GABRA5: variants seen among roughly 807,000 people sequenced by gnomAD.
The protein encoded by GABRA5 is gamma-aminobutyric acid receptor subunit alpha-5.
In GABRA5, 18 loss-of-function variants were observed where a neutral mutation model predicts 47.3. The observed-to-expected ratio is 0.38, with a 90% CI of 0.26 to 0.56. The LOEUF (loss-of-function observed/expected upper bound fraction) is 0.56, where lower values mean the gene tolerates loss of function less well. GABRA5 is among the 20% of genes least tolerant of loss of function. The pLI is 0.71. For synonymous variants in GABRA5, 237 were observed against 229.3 expected (o/e 1.03, Z -0.30); for missense variants, 365 against 599.3 (o/e 0.61, Z 4.08).
chr15:26,876,492 G>A (rs1892600529), intron 3 of GABRA5, among the ~76,000 whole-genome samples: 1 of 152,188 alleles, frequency 6.6e-6, no homozygotes, highest in Non-Finnish European at 1.5e-5. Flanking sequence ...CTGAGGCCCA[G>A]TGGAAAGGAT....
intron 6 of GABRA5, among the ~76,000 whole-genome samples, chr15:26,910,326 G>T (rs113878538): frequency 0.03 from 4,548 of 152,234 alleles, 82 homozygotes; most frequent in Non-Finnish European, 0.045. Flanking sequence ...GCCCGACCGG[G>T]TGTGGTGGCT....
chr15:26,890,723 A>G (rs956809862), intron 6 of GABRA5, among the ~76,000 whole-genome samples: 1 of 152,214 alleles, frequency 6.6e-6, no homozygotes, highest in Non-Finnish European at 1.5e-5. Flanking sequence ...ATATGTCTCA[A>G]TCATGTATAA....
At chr15:26,912,634 A>T (rs1893623812) in intron 6 of GABRA5, among the ~76,000 whole-genome samples, 1 of 152,214 alleles carries the variant, frequency 6.6e-6, no homozygotes, top group South Asian at 2.1e-4. Context: ...AGAAACACAC[A>T]CGTACACATG....
chr15:26,870,572 G>A (rs1306443547), intron 3 of GABRA5, among the ~76,000 whole-genome samples: 1 of 152,202 alleles, frequency 6.6e-6, no homozygotes, highest in African/African-American at 2.4e-5. Context: ...GCCATTCTAA[G>A]TATTCCCTTG....
At chr15:26,884,175 T>A (rs931998607) in intron 6 of GABRA5, among the ~76,000 whole-genome samples, 2 of 151,672 alleles carry the variant, frequency 1.3e-5, no homozygotes, top group Non-Finnish European at 2.9e-5. Flanking sequence ...GGTGACAGAG[T>A]GAGATTCTGT....
At chr15:26,881,175 G>A in intron 4 of GABRA5, among the ~76,000 whole-genome samples, 1 of 152,170 alleles carries the variant, frequency 6.6e-6, no homozygotes, top group East Asian at 1.9e-4. Flanking sequence ...CTAGACGCAA[G>A]ATCCTTTGTT....
At chr15:26,936,723 C>T (rs775316342) in intron 7 of GABRA5, among the ~76,000 whole-genome samples, 3 of 152,232 alleles carry the variant, frequency 2.0e-5, no homozygotes, top group Admixed American at 6.5e-5. Flanking sequence ...TGCGGCCGGG[C>T]GCTGCTTCAG....
intron 7 of GABRA5, among the ~76,000 whole-genome samples, chr15:26,932,752 GTACATATA>G (rs1894139515): frequency 6.6e-6 from 1 of 152,176 alleles, no homozygotes; most frequent in South Asian, 2.1e-4. Context: ...GGAAAACGTG[GTACATATA>G]TACCGTGGAA....
chr15:26,932,615 G>A (rs2140569909), intron 7 of GABRA5, among the ~76,000 whole-genome samples: 1 of 152,226 alleles, frequency 6.6e-6, no homozygotes, highest in Non-Finnish European at 1.5e-5. Flanking sequence ...CCATAACTGG[G>A]TATATACAAA....
intron 6 of GABRA5, among the ~76,000 whole-genome samples, chr15:26,909,562 C>T (rs191803081): frequency 8.5e-5 from 13 of 152,154 alleles, no homozygotes; most frequent in South Asian, 2.1e-4. Flanking sequence ...TTCTTTTGGA[C>T]GCTCTAGGGG....
chr15:26,873,685 A>C (rs1347678114), intron 3 of GABRA5, among the ~76,000 whole-genome samples: 1 of 152,314 alleles, frequency 6.6e-6, no homozygotes, highest in East Asian at 1.9e-4. Context: ...TTTTAAATGG[A>C]AAGTTCTCCC....
chr15:26,885,297 T>C (rs988581324), intron 6 of GABRA5, among the ~76,000 whole-genome samples: 1 of 99,304 alleles, frequency 1.0e-5, no homozygotes, highest in Non-Finnish European at 2.1e-5. Flanking sequence ...AGACTCCGTT[T>C]CAAAAAAAAA....
rs1365503910 is a variant in GABRA5, at chr15:26,935,439, A to C, written c.581-1746A>C. Reference sequence around the variant, plus strand: ...AACCTCTGCCCCCTAACCATGGAGAAAGCGGCTCACAGGACTTGCACCCAG... The same window carrying C: ...AACCTCTGCCCCCTAACCATGGAGACAGCGGCTCACAGGACTTGCACCCAG... On this transcript the variant is annotated intron_variant, in intron 7 of 10. Coordinates refer to ENST00000335625, the MANE Select transcript of GABRA5 (RefSeq NM_000810.4). Among the ~76,000 whole-genome samples the C allele has an allele frequency of 2.0e-5, 3 of 152,322 alleles. No homozygotes were observed. The East Asian group carries it at 5.8e-4, about 29-fold the overall frequency.
Position 26,948,558 on chromosome 15 carries a change from T to TAACA in GABRA5, c.*325_*326insAACA. The TAACA allele has an allele frequency of 4.4e-6, 1 of 227,554 alleles. No homozygotes were observed. The highest frequency in any genetic ancestry group is 1.2e-4 in the South Asian group (1 of 8,310). The allele number at this position is 227,554 out of a possible 1,614,324, so 14.1% of individuals were successfully genotyped here. On this transcript the variant is annotated 3_prime_UTR_variant, in exon 11 of 11. Transcript: ENST00000335625. Reference sequence around the variant, plus strand: ...CTGCTTCAAGTGTTACCTAACAATGTTTTTTATACTTCAAATGTCATTTCA... The same window carrying TAACA: ...CTGCTTCAAGTGTTACCTAACAATGTAACATTTTTATACTTCAAATGTCATTTCA...
chr15:26,944,976 A>G (rs1289132141), intron 10 of GABRA5, among the ~76,000 whole-genome samples: 1 of 152,152 alleles, frequency 6.6e-6, no homozygotes, highest in Admixed American at 6.5e-5. Flanking sequence ...GTCAATCACC[A>G]TGTCCGCCCT....
At chr15:26,942,020 A>T (rs1894396057) in intron 9 of GABRA5, among the ~76,000 whole-genome samples, 1 of 152,198 alleles carries the variant, frequency 6.6e-6, no homozygotes, top group Non-Finnish European at 1.5e-5. Context: ...TTACACCCCC[A>T]TCGCCCACAC....
chr15:26,940,842 G>A (rs928065950), intron 9 of GABRA5, among the ~76,000 whole-genome samples: 7 of 152,186 alleles, frequency 4.6e-5, no homozygotes, highest in South Asian at 2.1e-4. Flanking sequence ...ACAGTTGAGC[G>A]TCTGAGTCTT....
At chr15:26,936,395 C>T (rs1426856250) in intron 7 of GABRA5, among the ~76,000 whole-genome samples, 1 of 152,120 alleles carries the variant, frequency 6.6e-6, no homozygotes, top group Non-Finnish European at 1.5e-5. Flanking sequence ...GGCTTATGGC[C>T]CCCCTTACCC....
chr15:26,937,225 C>T lies in GABRA5; in HGVS notation c.621C>T (p.Asn207=), dbSNP rs200310381. 116 of 1,613,970 alleles carry T rather than the reference C, an allele frequency of 7.2e-5. No homozygotes were observed. Among genetic ancestry groups the T allele is most frequent in the African/African-American group, 1.2e-4 (9 of 75,058 alleles). Residue 207 remains asparagine (N), a synonymous_variant, in exon 8 of 11, where the codon AAC becomes AAT. Coordinates refer to ENST00000335625, the MANE Select transcript of GABRA5 (RefSeq NM_000810.4). ...CTGAAGTCGTTTACGTCTGGACCAA[C>T]GGCTCCACCAAGTCGGTGGTGGTGG... ...PNSEVVYVWT[N]GSTKSVVVAE... is the part of the protein sequence containing the mutation.
Sources: allele counts gnomAD v4.1 joint callset (sites outside exome capture counted in the v4.1 genomes callset), GRCh38; gene constraint gnomAD v4.1.1; transcripts MANE v1.5; gene names NCBI Gene and HGNC (gene_info 2026-07-23, HGNC 2026-07-21).